Variants in HTR1F observed in about 807,000 individuals in gnomAD.
The protein encoded by HTR1F is 5-hydroxytryptamine (serotonin) receptor 1F, G protein-coupled.
Under a neutral mutation model 24.0 loss-of-function variants are expected in HTR1F, and 17 were observed. That is an observed-to-expected ratio of 0.71 (90% CI 0.48 to 1.06). The LOEUF is 1.06. Among genes scored for constraint, HTR1F ranks in the 50% least tolerant of loss-of-function variants. The probability of loss-of-function intolerance (pLI) is 0.00; values close to 1 mark genes in which losing one functional copy is unlikely to be tolerated. For missense variants in HTR1F, 391 were observed against 427.8 expected (o/e 0.91, Z 0.76); for synonymous variants, 186 against 156.8 (o/e 1.19, Z -1.39).
chr3:87,808,035 A>G (rs1704100874), intron 1 of HTR1F, among the ~76,000 whole-genome samples: 1 of 151,654 alleles, frequency 6.6e-6, no homozygotes, highest in South Asian at 2.1e-4. Context: ...TATTTTTTTG[A>G]GAATTTCTGT....
At chr3:87,799,766 C>A (rs887301367) in intron 1 of HTR1F, among the ~76,000 whole-genome samples, 4 of 152,132 alleles carry the variant, frequency 2.6e-5, no homozygotes, top group Admixed American at 6.5e-5. Flanking sequence ...GGGGTAAATT[C>A]CCCTCTCTTC....
chr3:87,993,433 C>T lies in HTR1F; in HGVS notation c.*1583C>T, dbSNP rs1034709137. On this transcript the variant is annotated 3_prime_UTR_variant, in exon 3 of 3. Transcript: ENST00000319595. Reference sequence around the variant, plus strand: ...ATAATAGAAAAGAGCAAACTAAAATCTGGCATGGAAGTTGTTTACACAGTT... The same window carrying T: ...ATAATAGAAAAGAGCAAACTAAAATTTGGCATGGAAGTTGTTTACACAGTT... 1 of 166,752 alleles carries T rather than the reference C, an allele frequency of 6.0e-6. No homozygotes were observed. The highest frequency in any genetic ancestry group is 1.5e-5 in the Non-Finnish European group (1 of 68,098). 10.3% of individuals were successfully genotyped at this position (166,752 alleles called of 1,614,324 possible).
intron 2 of HTR1F, among the ~76,000 whole-genome samples, chr3:87,863,554 A>AT (rs1423037078): frequency 6.6e-6 from 1 of 152,012 alleles, no homozygotes; most frequent in African/African-American, 2.4e-5. Context: ...TCAGGGATTT[A>AT]TTTTTTTCCA....
At chr3:87,837,571 C>G (rs148406069) in intron 2 of HTR1F, among the ~76,000 whole-genome samples, 7 of 152,046 alleles carry the variant, frequency 4.6e-5, no homozygotes, top group Admixed American at 6.6e-5. Context: ...GGCACCATTA[C>G]TCAGAGAGAG....
chr3:87,831,953 G>A (rs568416948), intron 2 of HTR1F, among the ~76,000 whole-genome samples: 4 of 152,056 alleles, frequency 2.6e-5, no homozygotes, highest in African/African-American at 7.2e-5. Context: ...TAAAATCATC[G>A]CCATGCACTA....
chr3:87,860,765 G>A (rs1705300757), intron 2 of HTR1F, among the ~76,000 whole-genome samples: 1 of 152,068 alleles, frequency 6.6e-6, no homozygotes, highest in African/African-American at 2.4e-5. Context: ...TTTAAATTTT[G>A]TGTTCAGAAA....
chr3:87,962,818 T>C (rs191565046), intron 2 of HTR1F, among the ~76,000 whole-genome samples: 165 of 152,148 alleles, frequency 1.1e-3, no homozygotes, highest in African/African-American at 3.9e-3. Flanking sequence ...TTTAAAATAA[T>C]GAAAATTAAA....
At chr3:87,945,523 T>C (rs1159139457) in intron 2 of HTR1F, among the ~76,000 whole-genome samples, 1 of 152,216 alleles carries the variant, frequency 6.6e-6, no homozygotes, top group Admixed American at 6.5e-5. Flanking sequence ...TAGAGACTTC[T>C]GGCTGCGCCA....
rs1456639645 is a variant in HTR1F, at chr3:87,849,349, C to G, written c.-43+27225C>G. Among the ~76,000 whole-genome samples, 4 of 151,548 alleles carry G rather than the reference C, an allele frequency of 2.6e-5. 1 individual carries two copies. Among genetic ancestry groups the G allele is most frequent in the South Asian group, 2.1e-4 (1 of 4,810 alleles). ...CTTTGACAAACCTGAGAAAAACAAGCAATGGGGAAAGGATTCCCTATTTAA... is the reference window on the plus strand; with the variant it reads ...CTTTGACAAACCTGAGAAAAACAAGGAATGGGGAAAGGATTCCCTATTTAA... On this transcript the variant is annotated intron_variant, in intron 2 of 2. Coordinates refer to ENST00000319595, the MANE Select transcript of HTR1F (RefSeq NM_001322209.2).
chr3:87,971,029 C>T (rs913343088), intron 2 of HTR1F, among the ~76,000 whole-genome samples: 1 of 152,198 alleles, frequency 6.6e-6, no homozygotes. Context: ...TCCCCTTCCA[C>T]AGATGACACT....
chr3:87,914,217 C>A (rs1172975798), intron 2 of HTR1F, among the ~76,000 whole-genome samples: 2 of 152,200 alleles, frequency 1.3e-5, no homozygotes, highest in Non-Finnish European at 2.9e-5. Flanking sequence ...GGTCCCCTAC[C>A]AAGCCGTTTT....
intron 2 of HTR1F, among the ~76,000 whole-genome samples, chr3:87,985,948 T>C (rs1705653310): frequency 1.3e-5 from 2 of 152,240 alleles, no homozygotes; most frequent in Admixed American, 6.5e-5. Flanking sequence ...ACATTCATGT[T>C]GAATAAAACC....
chr3:87,853,583 C>T (rs1705135123), intron 2 of HTR1F, among the ~76,000 whole-genome samples: 1 of 152,082 alleles, frequency 6.6e-6, no homozygotes, highest in African/African-American at 2.4e-5. Context: ...TAGGTATATA[C>T]CCAGTCATGG....
chr3:87,885,557 G>A (rs1559618848), intron 2 of HTR1F, among the ~76,000 whole-genome samples: 2 of 151,932 alleles, frequency 1.3e-5, no homozygotes, highest in African/African-American at 2.4e-5. Context: ...TCCAGGAGCT[G>A]TTTTTTTGAA....
At chr3:87,988,557 A>G (rs1467731233) in intron 2 of HTR1F, among the ~76,000 whole-genome samples, 2 of 152,216 alleles carry the variant, frequency 1.3e-5, no homozygotes, top group East Asian at 3.9e-4. Flanking sequence ...GCTGCATTTC[A>G]AAGTTTTTTG....
chr3:87,820,310 G>A (rs1704332694), intron 1 of HTR1F, among the ~76,000 whole-genome samples: 2 of 150,504 alleles, frequency 1.3e-5, no homozygotes, highest in Non-Finnish European at 3.0e-5. Context: ...CCAAGTAGCT[G>A]GGACTACAGG....
intron 2 of HTR1F, among the ~76,000 whole-genome samples, chr3:87,946,846 T>C (rs766291793): frequency 1.1e-4 from 16 of 151,984 alleles, no homozygotes; most frequent in Non-Finnish European, 1.9e-4. Context: ...AGGATGGTCT[T>C]GATCTCCTGA....
At chr3:87,942,934 C>A (rs1330835607) in intron 2 of HTR1F, among the ~76,000 whole-genome samples, 5 of 152,164 alleles carry the variant, frequency 3.3e-5, no homozygotes, top group Non-Finnish European at 7.4e-5. Context: ...TCAATAGAAT[C>A]AGGTGACAGA....
intron 1 of HTR1F, chr3:87,793,279 G>C (rs527691925): frequency 6.6e-6 from 1 of 152,276 alleles, no homozygotes; most frequent in East Asian, 1.9e-4. Context: ...AAGGAGGGGA[G>C]AGTCTTCGAA....
Sources: allele counts gnomAD v4.1 joint callset (sites outside exome capture counted in the v4.1 genomes callset), GRCh38; gene constraint gnomAD v4.1.1; transcripts MANE v1.5; gene names NCBI Gene and HGNC (gene_info 2026-07-23, HGNC 2026-07-21).